The following DGKB variants were observed in gnomAD, a reference collection of about 807,000 sequenced individuals.
DGKB encodes diacylglycerol kinase beta, also known as 90 kDa diacylglycerol kinase.
Under a neutral mutation model 114.3 loss-of-function variants are expected in DGKB, and 67 were observed. That is an observed-to-expected ratio of 0.59 (90% confidence interval 0.48 to 0.72). DGKB has a LOEUF of 0.72. Among genes scored for constraint, DGKB ranks in the 30% least tolerant of loss-of-function variants. The probability of loss-of-function intolerance (pLI) is 0.00; values close to 1 mark genes in which losing one functional copy is unlikely to be tolerated. For missense variants in DGKB, 907 were observed against 975.2 expected, an observed-to-expected ratio of 0.93 and a Z score of 0.93; for synonymous variants, 398 against 323.1, an observed-to-expected ratio of 1.23 and a Z score of -2.49.
chr7:14,756,088 A>G (rs1834827276), intron 3 of DGKB, among the ~76,000 whole-genome samples: 1 of 152,058 alleles, frequency 6.6e-6, no homozygotes, highest in South Asian at 2.1e-4. Flanking sequence ...AGAGTCCTAT[A>G]AATAAAAAAT....
At chr7:14,257,129 C>T (rs1437789789) in intron 23 of DGKB, among the ~76,000 whole-genome samples, 1 of 152,056 alleles carries the variant, frequency 6.6e-6, no homozygotes, top group Non-Finnish European at 1.5e-5. Flanking sequence ...TGCCAATGGA[C>T]TCTAGCCTGG....
chr7:14,409,855 T>A (rs1385178320), intron 21 of DGKB, among the ~76,000 whole-genome samples: 5 of 152,092 alleles, frequency 3.3e-5, no homozygotes, highest in African/African-American at 7.2e-5. Flanking sequence ...TATTTTCTCC[T>A]CCTTATGATT....
chr7:14,236,665 T>C (rs554011785), intron 23 of DGKB, among the ~76,000 whole-genome samples: 2 of 152,034 alleles, frequency 1.3e-5, no homozygotes, highest in Admixed American at 6.6e-5. Context: ...TGAAATTTTT[T>C]CCCCCTATGA....
intron 13 of DGKB, among the ~76,000 whole-genome samples, chr7:14,651,323 G>C (rs1814440494): frequency 6.6e-6 from 1 of 151,836 alleles, no homozygotes; most frequent in Non-Finnish European, 1.5e-5. Flanking sequence ...CTTCATCCCT[G>C]GGATGCAAGG....
At chr7:14,256,894 G>A (rs566207020) in intron 23 of DGKB, among the ~76,000 whole-genome samples, 12 of 152,256 alleles carry the variant, frequency 7.9e-5, no homozygotes, top group Non-Finnish European at 1.6e-4. Flanking sequence ...AGCTGGGCAC[G>A]GTGGTTTACA....
At chr7:14,230,370 G>T (rs903584474) in intron 23 of DGKB, among the ~76,000 whole-genome samples, 2 of 151,740 alleles carry the variant, frequency 1.3e-5, no homozygotes, top group African/African-American at 4.8e-5. Flanking sequence ...TGTATTTTTG[G>T]GGTAAATGCC....
intron 23 of DGKB, among the ~76,000 whole-genome samples, chr7:14,207,849 C>A (rs1787084324): frequency 6.6e-6 from 1 of 151,966 alleles, no homozygotes; most frequent in Non-Finnish European, 1.5e-5. Context: ...GATTCCAATA[C>A]TCTATCTTCA....
chr7:14,158,033 G>C (rs548767132), intron 25 of DGKB, among the ~76,000 whole-genome samples: 1 of 152,272 alleles, frequency 6.6e-6, no homozygotes, highest in South Asian at 2.1e-4. Flanking sequence ...TCCCAGATTA[G>C]TCACTGGCAG....
chr7:14,700,182 G>T (rs994323902), intron 7 of DGKB, among the ~76,000 whole-genome samples: 2 of 151,108 alleles, frequency 1.3e-5, no homozygotes, highest in Non-Finnish European at 2.9e-5. Flanking sequence ...AGACCACTAG[G>T]CACTTAAAAA....
At chr7:14,875,812 T>A (rs1375713613) in intron 1 of DGKB, among the ~76,000 whole-genome samples, 1 of 151,322 alleles carries the variant, frequency 6.6e-6, no homozygotes, top group Non-Finnish European at 1.5e-5. Context: ...ATTATGAGGT[T>A]TTTTTTTTGT....
chr7:14,917,716 T>C (rs1050096015), intron 1 of DGKB, among the ~76,000 whole-genome samples: 2 of 151,914 alleles, frequency 1.3e-5, no homozygotes, highest in Non-Finnish European at 2.9e-5. Context: ...ACCAATTCTC[T>C]AAAATCTGTT....
chr7:14,921,485 G>A (rs760738437), intron 1 of DGKB, among the ~76,000 whole-genome samples: 4 of 152,170 alleles, frequency 2.6e-5, no homozygotes, highest in Non-Finnish European at 2.9e-5. Flanking sequence ...TGTGAAAAAT[G>A]TAAGTTGTTT....
chr7:14,892,937 TATATACAC>T (rs1781497678), intron 1 of DGKB, among the ~76,000 whole-genome samples: 1 of 150,152 alleles, frequency 6.7e-6, no homozygotes, highest in Non-Finnish European at 1.5e-5. Flanking sequence ...TCTATGTGTA[TATATACAC>T]ACACATATGT....
chr7:14,902,014 T>C (rs947701545), intron 1 of DGKB, among the ~76,000 whole-genome samples: 2 of 152,152 alleles, frequency 1.3e-5, no homozygotes, highest in Admixed American at 6.5e-5. Flanking sequence ...GGACCCTCCA[T>C]GTGGCACCCA....
intron 21 of DGKB, among the ~76,000 whole-genome samples, chr7:14,456,766 C>G: frequency 6.6e-6 from 1 of 152,070 alleles, no homozygotes; most frequent in South Asian, 2.1e-4. Flanking sequence ...TTTTAACAAG[C>G]ATCTACATAA....
intron 1 of DGKB, among the ~76,000 whole-genome samples, chr7:14,931,393 A>T (rs1330475019): frequency 6.6e-6 from 1 of 152,218 alleles, no homozygotes; most frequent in Non-Finnish European, 1.5e-5. Flanking sequence ...TACAGGCGTG[A>T]GCCACCGTGC....
At chr7:14,495,314 G>A (rs550061758) in intron 20 of DGKB, among the ~76,000 whole-genome samples, 1 of 151,894 alleles carries the variant, frequency 6.6e-6, no homozygotes, top group South Asian at 2.1e-4. Flanking sequence ...AACCTTTTGT[G>A]CTTTAAAAGG....
intron 21 of DGKB, among the ~76,000 whole-genome samples, chr7:14,374,431 C>G (rs912864681): frequency 6.6e-6 from 1 of 152,184 alleles, no homozygotes; most frequent in Non-Finnish European, 1.5e-5. Flanking sequence ...GCATTAGCAT[C>G]TCTCTTTGCA....
intron 12 of DGKB, among the ~76,000 whole-genome samples, chr7:14,673,897 G>C (rs1322810244): frequency 2.0e-5 from 3 of 151,954 alleles, no homozygotes; most frequent in Non-Finnish European, 4.4e-5. Context: ...ATTTCAATAA[G>C]ATAACATGTT....
Sources: allele counts gnomAD v4.1 joint callset (sites outside exome capture counted in the v4.1 genomes callset), GRCh38; gene constraint gnomAD v4.1.1; transcripts MANE v1.5; gene names NCBI Gene and HGNC (gene_info 2026-07-23, HGNC 2026-07-21).